The following KCNN3 variants were observed in gnomAD, a reference collection of about 807,000 sequenced individuals.
KCNN3 encodes potassium calcium-activated channel subfamily N member 3, also known as small conductance calcium-activated potassium channel protein 3.
Under a neutral mutation model 62.9 loss-of-function variants are expected in KCNN3, and 16 were observed. That is an observed-to-expected ratio of 0.25 (90% CI 0.17 to 0.39). The LOEUF is 0.39. KCNN3 is among the 10% of genes least tolerant of loss of function. The pLI, the probability that KCNN3 is intolerant of heterozygous loss-of-function variation, is 1.00. For synonymous variants in KCNN3, 370 were observed against 389.2 expected (o/e 0.95, Z 0.58); for missense variants, 599 against 949.4 (o/e 0.63, Z 4.85).
rs1553231995 is a variant in KCNN3, at chr1:154,766,416, T to TTAAATATATATATATATATATATA, written c.1448+5558_1448+5559insTATATATATATATATATATATTTA. ...CCATTTATTAAATACTAGCCAGGCT[T>TTAAATATATATATATATATATATA]TATATATATATATATATATATATAT... On this transcript the variant is annotated intron_variant, in intron 3 of 7. Coordinates refer to ENST00000271915, the MANE Select transcript of KCNN3 (RefSeq NM_002249.6). Among the ~76,000 whole-genome samples, 650 of 71,762 alleles carry TTAAATATATATATATATATATATA rather than the reference T, an allele frequency of 9.1e-3. 72 individuals carry two copies. Among genetic ancestry groups the TTAAATATATATATATATATATATA allele is most frequent in the South Asian group, 0.025 (43 of 1,716 alleles). The allele number at this position is 71,762 out of a possible 152,430, so 47.1% of individuals were successfully genotyped here.
In KCNN3 at chr1:154,794,184, T is replaced by C. The variant is rs778123965; in HGVS notation, c.1030-21791A>G. Among the ~76,000 whole-genome samples the C allele has an allele frequency of 1.4e-4, 22 of 152,234 alleles. 1 individual carries two copies. Among genetic ancestry groups the C allele is most frequent in the African/African-American group, 2.4e-4 (10 of 41,464 alleles). ...TATTCATCCTCTGACTGGATCAATC[T>C]AGGCTCCTTGGAGTACTTACCACAG... On this transcript the variant is annotated intron_variant, in intron 2 of 7. Transcript: ENST00000271915.
chr1:154,764,926 A>T (rs1262921326), intron 3 of KCNN3, among the ~76,000 whole-genome samples: 1 of 152,110 alleles, frequency 6.6e-6, no homozygotes, highest in African/African-American at 2.4e-5. Context: ...CCAAAAGTAA[A>T]CTCCAAGAAT....
chr1:154,866,252 C>A (rs1652953515), intron 1 of KCNN3, among the ~76,000 whole-genome samples: 1 of 152,238 alleles, frequency 6.6e-6, no homozygotes, highest in African/African-American at 2.4e-5. Flanking sequence ...TCTGTTAAAG[C>A]TCCAACTAAT....
chr1:154,793,893 G>GGC, intron 2 of KCNN3, among the ~76,000 whole-genome samples: 2 of 152,160 alleles, frequency 1.3e-5, no homozygotes, highest in African/African-American at 4.8e-5. Context: ...GGGTGGGAGA[G>GGC]CATCCGTCAT....
At chr1:154,822,947 G>A (rs1650965410) in intron 1 of KCNN3, among the ~76,000 whole-genome samples, 1 of 152,196 alleles carries the variant, frequency 6.6e-6, no homozygotes, top group Non-Finnish European at 1.5e-5. Flanking sequence ...CTGGGTCCCA[G>A]CCCTGCGACA....
chr1:154,720,592 AGATTAT>A (rs1700325426), intron 5 of KCNN3, among the ~76,000 whole-genome samples: 1 of 152,242 alleles, frequency 6.6e-6, no homozygotes, highest in Non-Finnish European at 1.5e-5. Flanking sequence ...TCTTCTAGCA[AGATTAT>A]GATCAAACTT....
intron 2 of KCNN3, among the ~76,000 whole-genome samples, chr1:154,819,540 G>A (rs982987932): frequency 8.5e-5 from 13 of 152,280 alleles, no homozygotes; most frequent in African/African-American, 2.2e-4. Flanking sequence ...AGGGCGCTCC[G>A]TAGGAACCTC....
chr1:154,822,913 G>A (rs1218598), intron 1 of KCNN3, among the ~76,000 whole-genome samples: 125,206 of 152,108 alleles, frequency 0.82, 51,757 homozygotes, highest in East Asian at 0.94. Flanking sequence ...TGTGGTTAAG[G>A]GCATGACCTC....
chr1:154,861,472 C>G (rs1652770511), intron 1 of KCNN3, among the ~76,000 whole-genome samples: 1 of 152,178 alleles, frequency 6.6e-6, no homozygotes, highest in African/African-American at 2.4e-5. Flanking sequence ...CCTGTGTGCA[C>G]CACACGGCAG....
rs1699967217 is a variant in KCNN3, at chr1:154,706,454, T to C, written c.*1522A>G. 1 of 152,252 alleles carries C rather than the reference T, an allele frequency of 6.6e-6. No homozygotes were observed. The highest frequency in any genetic ancestry group is 1.5e-5 in the Non-Finnish European group (1 of 68,044). The allele number at this position is 152,252 out of a possible 1,614,324, so 9.4% of individuals were successfully genotyped here. A position where few individuals can be genotyped will look rare whatever the true frequency, so the allele number is the denominator to read the frequency against. On this transcript the variant is annotated 3_prime_UTR_variant, in exon 8 of 8. Transcript: ENST00000271915. Reference sequence around the variant, plus strand: ...CCTCAGAATGAGAAAGTCATGGTTTTCACGTCACAAATGTTACGTGTGGTC... The same window carrying C: ...CCTCAGAATGAGAAAGTCATGGTTTCCACGTCACAAATGTTACGTGTGGTC...
intron 1 of KCNN3, among the ~76,000 whole-genome samples, chr1:154,858,860 G>A (rs1218588): frequency 0.22 from 32,882 of 151,756 alleles, 3,813 homozygotes; most frequent in African/African-American, 0.24. Context: ...GTGAGCCACC[G>A]CATAACTTCT....
chr1:154,775,021 G>A (rs556759837), intron 2 of KCNN3, among the ~76,000 whole-genome samples: 2 of 152,246 alleles, frequency 1.3e-5, no homozygotes, highest in African/African-American at 2.4e-5. Context: ...GTGGATTTGC[G>A]GGGGCTGGCT....
At chr1:154,848,584 C>T (rs572893939) in intron 1 of KCNN3, among the ~76,000 whole-genome samples, 1 of 152,276 alleles carries the variant, frequency 6.6e-6, no homozygotes, top group South Asian at 2.1e-4. Flanking sequence ...GCAGGGGGCT[C>T]CATGTCCCTC....
intron 3 of KCNN3, among the ~76,000 whole-genome samples, chr1:154,747,389 G>A (rs972282559): frequency 3.9e-5 from 6 of 152,164 alleles, no homozygotes; most frequent in Non-Finnish European, 5.9e-5. Flanking sequence ...TCTCCTAGGT[G>A]TGGGAAGAGG....
At chr1:154,806,409 C>G (rs1650174486) in intron 2 of KCNN3, among the ~76,000 whole-genome samples, 1 of 152,230 alleles carries the variant, frequency 6.6e-6, no homozygotes, top group African/African-American at 2.4e-5. Context: ...TAACCCAGCT[C>G]TCTCAGCTGA....
At chr1:154,765,130 G>T (rs910635536) in intron 3 of KCNN3, among the ~76,000 whole-genome samples, 1 of 152,182 alleles carries the variant, frequency 6.6e-6, no homozygotes, top group Non-Finnish European at 1.5e-5. Flanking sequence ...ATTGGGGTAT[G>T]TCTAGGGGTG....
At chr1:154,728,966 C>A (rs1251592222) in intron 4 of KCNN3, among the ~76,000 whole-genome samples, 2 of 152,174 alleles carry the variant, frequency 1.3e-5, no homozygotes, top group African/African-American at 4.8e-5. Flanking sequence ...GATTGCCTGT[C>A]CCCTGGGTCC....
At chr1:154,779,786 T>C (rs1459639854) in intron 2 of KCNN3, among the ~76,000 whole-genome samples, 1 of 152,328 alleles carries the variant, frequency 6.6e-6, no homozygotes, top group East Asian at 1.9e-4. Flanking sequence ...ATTCCATCCT[T>C]GGACGGCCAG....
intron 1 of KCNN3, among the ~76,000 whole-genome samples, chr1:154,834,210 T>C (rs1571321593): frequency 6.6e-6 from 1 of 152,206 alleles, no homozygotes; most frequent in African/African-American, 2.4e-5. Flanking sequence ...TGAGGTGCCA[T>C]GAATTCCAGC....
Sources: gnomAD v4.1 joint callset for allele counts (sites outside exome capture counted in the v4.1 genomes callset) on GRCh38, gnomAD v4.1.1 for gene constraint, MANE v1.5 for transcripts, NCBI Gene and HGNC (gene_info 2026-07-23, HGNC 2026-07-21) for gene names.